The following FHIT variants were observed in gnomAD, a reference collection of about 807,000 sequenced individuals.
FHIT encodes fragile histidine triad diadenosine triphosphatase.
FHIT carries 19 observed loss-of-function variants against 17.9 expected under a neutral mutation model. The observed-to-expected ratio is 1.06, with a 90% CI of 0.74 to 1.56. FHIT has a LOEUF of 1.56. Ranked by LOEUF, FHIT falls within the 40% of genes most tolerant of loss-of-function variation. The probability of loss-of-function intolerance (pLI) is 0.00; values close to 1 mark genes in which losing one functional copy is unlikely to be tolerated. For missense variants in FHIT, 248 were observed against 189.2 expected, an observed-to-expected ratio of 1.31 and a Z score of -1.82; for synonymous variants, 81 against 69.7, an observed-to-expected ratio of 1.16 and a Z score of -0.81.
intron 3 of FHIT, among the ~76,000 whole-genome samples, chr3:60,871,940 A>G (rs555412044): frequency 6.6e-6 from 1 of 152,210 alleles, no homozygotes; most frequent in African/African-American, 2.4e-5. Context: ...TGAAATTACA[A>G]GTGTGAGCCA....
chr3:60,395,050 T>C (rs997882405), intron 5 of FHIT, among the ~76,000 whole-genome samples: 1 of 152,190 alleles, frequency 6.6e-6, no homozygotes, highest in Non-Finnish European at 1.5e-5. Context: ...AGAATGTGGC[T>C]TTTGGAGAAG....
At chr3:60,966,380 C>T (rs923054795) in intron 3 of FHIT, among the ~76,000 whole-genome samples, 6 of 152,248 alleles carry the variant, frequency 3.9e-5, no homozygotes, top group Admixed American at 2.0e-4. Context: ...CAACCCCTTG[C>T]ACTTCCCAGG....
intron 5 of FHIT, among the ~76,000 whole-genome samples, chr3:60,300,881 C>A (rs1708434062): frequency 6.6e-6 from 1 of 152,186 alleles, no homozygotes; most frequent in South Asian, 2.1e-4. Context: ...GATCCATCTG[C>A]TTCACTCCAT....
At chr3:60,595,338 A>G (rs997713305) in intron 4 of FHIT, among the ~76,000 whole-genome samples, 8 of 151,428 alleles carry the variant, frequency 5.3e-5, no homozygotes, top group Non-Finnish European at 1.2e-4. Flanking sequence ...GCAGAAGGCA[A>G]TTGTACAGGA....
chr3:60,051,106 T>C (rs1005933523), intron 5 of FHIT, among the ~76,000 whole-genome samples: 2 of 152,160 alleles, frequency 1.3e-5, no homozygotes, highest in African/African-American at 4.8e-5. Flanking sequence ...AGGGAGCTTC[T>C]GGTCTGCATA....
In FHIT at chr3:60,204,656, A is replaced by C. The variant is rs1047718455; in HGVS notation, c.104-190504T>G. On this transcript the variant is annotated intron_variant, in intron 5 of 9. Transcript: ENST00000492590. ...TAAAAATGAAAAGATGCTCAAATTT[A>C]ATAGAAGTCAGAAAATGTTAGAGAA... Among the ~76,000 whole-genome samples, 5 of 152,092 alleles carry C rather than the reference A, an allele frequency of 3.3e-5. No homozygotes were observed. The East Asian group carries it at 9.6e-4, about 29-fold the overall frequency.
intron 5 of FHIT, among the ~76,000 whole-genome samples, chr3:60,158,555 G>A (rs932676906): frequency 2.6e-4 from 39 of 151,906 alleles, no homozygotes; most frequent in African/African-American, 6.3e-4. Flanking sequence ...CAGATGATCC[G>A]CCCGCCTCTG....
At chr3:61,037,644 T>G (rs1474237902) in intron 3 of FHIT, among the ~76,000 whole-genome samples, 1 of 152,174 alleles carries the variant, frequency 6.6e-6, no homozygotes, top group Non-Finnish European at 1.5e-5. Context: ...ATGAATGAAT[T>G]AATTATGTTA....
intron 8 of FHIT, among the ~76,000 whole-genome samples, chr3:59,909,747 A>G (rs1575680256): frequency 6.6e-6 from 1 of 152,380 alleles, no homozygotes; most frequent in East Asian, 1.9e-4. Context: ...TAGGTTCACC[A>G]AACAACTGCC....
chr3:60,623,996 T>C (rs151309409), intron 4 of FHIT, among the ~76,000 whole-genome samples: 50 of 152,266 alleles, frequency 3.3e-4, no homozygotes, highest in African/African-American at 1.1e-3. Flanking sequence ...CAGATAATTA[T>C]GGCAGAACAT....
chr3:60,127,647 G>T (rs1354062349), intron 5 of FHIT, among the ~76,000 whole-genome samples: 1 of 151,956 alleles, frequency 6.6e-6, no homozygotes, highest in African/African-American at 2.4e-5. Flanking sequence ...TGTCACCCTG[G>T]CTGGAGTGCA....
At chr3:60,385,046 A>G (rs1458511322) in intron 5 of FHIT, among the ~76,000 whole-genome samples, 2 of 152,206 alleles carry the variant, frequency 1.3e-5, no homozygotes, top group Non-Finnish European at 2.9e-5. Flanking sequence ...TTGCTAACAC[A>G]ACAGACTTTT....
chr3:61,167,696 C>T (rs184189994), intron 2 of FHIT, among the ~76,000 whole-genome samples: 3 of 138,718 alleles, frequency 2.2e-5, no homozygotes, highest in Admixed American at 2.1e-4. Flanking sequence ...AAAGAAAGGA[C>T]AGGACAGGAA....
chr3:61,140,320 T>TA (rs1215085200), intron 2 of FHIT, among the ~76,000 whole-genome samples: 2 of 152,114 alleles, frequency 1.3e-5, no homozygotes, highest in Non-Finnish European at 2.9e-5. Flanking sequence ...AGGAAAAAAA[T>TA]ATAGAATAAG....
chr3:59,986,102 A>G (rs769399864), intron 7 of FHIT, among the ~76,000 whole-genome samples: 11 of 152,182 alleles, frequency 7.2e-5, no homozygotes, highest in Non-Finnish European at 1.2e-4. Context: ...CGGCAAAAAG[A>G]AAAAAGCACT....
At chr3:60,457,828 A>G (rs1047172684) in intron 5 of FHIT, among the ~76,000 whole-genome samples, 17 of 152,034 alleles carry the variant, frequency 1.1e-4, no homozygotes, top group Non-Finnish European at 2.2e-4. Flanking sequence ...AGACACGTGA[A>G]AAAACGCTCA....
intron 5 of FHIT, among the ~76,000 whole-genome samples, chr3:60,446,260 G>C (rs942123133): frequency 3.3e-5 from 5 of 152,080 alleles, no homozygotes; most frequent in Admixed American, 6.6e-5. Context: ...CCTCTTTCTT[G>C]ATGTGTCTGA....
chr3:60,369,815 G>A (rs1012661295), intron 5 of FHIT, among the ~76,000 whole-genome samples: 7 of 152,070 alleles, frequency 4.6e-5, no homozygotes, highest in Non-Finnish European at 8.8e-5. Flanking sequence ...CCTCTACTGT[G>A]TCTTACAGAG....
chr3:60,819,680 T>C (rs1449638713), intron 4 of FHIT, among the ~76,000 whole-genome samples: 1 of 152,198 alleles, frequency 6.6e-6, no homozygotes, highest in Non-Finnish European at 1.5e-5. Flanking sequence ...AATTGTCAGT[T>C]AATCCTTCAC....
Sources: gnomAD v4.1 joint callset for allele counts (sites outside exome capture counted in the v4.1 genomes callset) on GRCh38, gnomAD v4.1.1 for gene constraint, MANE v1.5 for transcripts, NCBI Gene and HGNC (gene_info 2026-07-23, HGNC 2026-07-21) for gene names.